Variants in MTRES1 observed in about 807,000 individuals in gnomAD.
MTRES1 encodes the protein mitochondrial transcription rescue factor 1.
Under a neutral mutation model 17.4 loss-of-function variants are expected in MTRES1, and 11 were observed. That is an observed-to-expected ratio of 0.63 (90% CI 0.40 to 1.05). The LOEUF is 1.05. MTRES1 is among the 50% of genes least tolerant of loss of function. MTRES1 has a pLI of 0.00. For missense variants in MTRES1, 268 were observed against 276.2 expected, an observed-to-expected ratio of 0.97 and a Z score of 0.21; for synonymous variants, 94 against 99.6, an observed-to-expected ratio of 0.94 and a Z score of 0.34.
At chr6:107,039,034 A>G (rs1244527534) in intron 1 of MTRES1, among the ~76,000 whole-genome samples, 1 of 152,158 alleles carries the variant, frequency 6.6e-6, no homozygotes, top group Non-Finnish European at 1.5e-5. Context: ...AGCCTGGGCA[A>G]CAAGAGCAAA....
At chr6:107,034,890 G>A (rs1254450664) in intron 1 of MTRES1, among the ~76,000 whole-genome samples, 26 of 151,942 alleles carry the variant, frequency 1.7e-4, no homozygotes, top group Admixed American at 1.7e-3. Flanking sequence ...GGGAGGCTGA[G>A]GCAGGAGAAT....
intron 3 of MTRES1, 123 bp downstream of exon 3, chr6:107,044,455 C>A: frequency 2.7e-6 from 2 of 728,904 alleles, no homozygotes; most frequent in South Asian, 3.5e-5. Flanking sequence ...CTTTGTGGTC[C>A]TCCACGTCAA....
intron 3 of MTRES1, among the ~76,000 whole-genome samples, chr6:107,047,142 C>T (rs532106379): frequency 5.3e-5 from 8 of 152,162 alleles, no homozygotes; most frequent in Non-Finnish European, 1.0e-4. Context: ...CCTTCTCTAT[C>T]CAGAGGCAGA....
At chr6:107,041,514 T>G (rs2992122) in intron 2 of MTRES1, among the ~76,000 whole-genome samples, 3 of 151,960 alleles carry the variant, frequency 2.0e-5, no homozygotes, top group Non-Finnish European at 4.4e-5. Flanking sequence ...TATTTCTGGG[T>G]TTTTTTGTTT....
intron 2 of MTRES1, chr6:107,040,872 A>G (rs1297096410): frequency 1.1e-4 from 16 of 150,820 alleles, no homozygotes; most frequent in African/African-American, 3.7e-4. Context: ...CCATCTGAAA[A>G]AAAAAAAAAG....
intron 1 of MTRES1, chr6:107,028,845 C>T (rs1773725454): frequency 1.0e-6 from 1 of 982,398 alleles, no homozygotes; most frequent in African/African-American, 1.7e-5. Flanking sequence ...CCAAAACCTC[C>T]TATGGGATTC....
intron 1 of MTRES1, chr6:107,028,844 C>T (rs893006010): frequency 2.0e-6 from 2 of 982,130 alleles, no homozygotes; most frequent in Non-Finnish European, 1.2e-6. Context: ...CCCAAAACCT[C>T]CTATGGGATT....
chr6:107,028,788 A>G, intron 1 of MTRES1: 1 of 621,138 alleles, frequency 1.6e-6, no homozygotes, highest in Non-Finnish European at 2.0e-6. Context: ...TGCTTTTCTT[A>G]CAGTCTTCGG....
intron 1 of MTRES1, 29 bp from the exon 2 acceptor site, chr6:107,039,720 A>G: frequency 6.4e-7 from 1 of 1,563,136 alleles, no homozygotes; most frequent in Non-Finnish European, 8.6e-7. Context: ...TGCACTTGTG[A>G]GATAAAACTG....
At chr6:107,045,046 G>C (rs1264344429) in intron 3 of MTRES1, among the ~76,000 whole-genome samples, 21 of 152,026 alleles carry the variant, frequency 1.4e-4, no homozygotes, top group African/African-American at 5.1e-4. Flanking sequence ...AAATTAGCCA[G>C]GCGTGGTGGC....
At chr6:107,043,808 T>C (rs561388859) in intron 2 of MTRES1, among the ~76,000 whole-genome samples, 1 of 152,280 alleles carries the variant, frequency 6.6e-6, no homozygotes, top group Non-Finnish European at 1.5e-5. Context: ...TATATTTCTA[T>C]ATTTTAAAGC....
intron 1 of MTRES1, chr6:107,028,780 C>G: frequency 1.8e-6 from 1 of 571,112 alleles, no homozygotes; most frequent in Non-Finnish European, 2.2e-6. Flanking sequence ...ACAGACACTG[C>G]TTTTCTTACA....
Position 107,040,168 on chromosome 6 carries a change from A to G in MTRES1, c.408A>G (p.Glu136=). 4 of 1,611,940 alleles carry G rather than the reference A, an allele frequency of 2.5e-6. No individual in the cohort carries two copies. In the East Asian group the frequency reaches 8.9e-5, roughly 36 times the overall value. The change falls in exon 2 of 4, where the codon GAA becomes GAG. Residue 136 remains glutamate (E), a synonymous_variant. Coordinates refer to ENST00000311381, the MANE Select transcript of MTRES1 (RefSeq NM_016487.5). ...PTVVKNYKDL[E]KAVQSFRYDV... ...TAGTCAAAAACTATAAAGACCTGGA[A>G]AAAGCAGTTCAGTCTTTTCGGTATG...
Position 107,041,097 on chromosome 6 carries a change from G to GA in MTRES1, c.470+867_470+868insA, listed in dbSNP as rs533472500. Among the ~76,000 whole-genome samples, 191 of 151,240 alleles carry GA rather than the reference G, an allele frequency of 1.3e-3. 3 individuals carry two copies. The highest frequency in any genetic ancestry group is 4.4e-3 in the African/African-American group (179 of 41,050). ...AAAAATTAGCCAGGCGTGGTGGCAG[G>GA]CGCCTGTAGTCCCAGCTACTCGGAG... On this transcript the variant is annotated intron_variant, in intron 2 of 3. Coordinates refer to ENST00000311381, the MANE Select transcript of MTRES1 (RefSeq NM_016487.5).
intron 2 of MTRES1, among the ~76,000 whole-genome samples, chr6:107,041,224 CAAAAA>C (rs55820077): frequency 4.9e-5 from 6 of 122,866 alleles, no homozygotes; most frequent in Admixed American, 8.1e-5. Context: ...GACTCCGTCT[CAAAAA>C]AAAAAAAAAA....
At chr6:107,046,055 C>T (rs1389617597) in intron 3 of MTRES1, among the ~76,000 whole-genome samples, 2 of 152,180 alleles carry the variant, frequency 1.3e-5, no homozygotes, top group Non-Finnish European at 2.9e-5. Flanking sequence ...CTGTCTCAGC[C>T]CCCAAGTCCC....
At position 107,039,777 on chromosome 6, in the gene MTRES1, T is replaced by A. The variant is rs782779196; in HGVS notation, c.17T>A (p.Val6Asp). Residue 6 changes from valine (V) to aspartate (D), a missense_variant, in exon 2 of 4, where the codon GTT becomes GAT. Physicochemically the swap from Val to Asp is radical, Grantham distance 152. Coordinates refer to ENST00000311381, the MANE Select transcript of MTRES1 (RefSeq NM_016487.5). ...ATAAGCGCCATGGCTATGGCTAGTGTTAAATTGCTTGCCGGTGTTTTAAGA... is the reference window on the plus strand; with the variant it reads ...ATAAGCGCCATGGCTATGGCTAGTGATAAATTGCTTGCCGGTGTTTTAAGA... MAMASVKLLAGVLRKP... is the reference protein window; with the variant it reads MAMASDKLLAGVLRKP... The A allele has an allele frequency of 1.2e-6, 2 of 1,606,662 alleles. No individual in the cohort carries two copies. The highest frequency in any genetic ancestry group is 1.7e-6 in the Non-Finnish European group (2 of 1,178,366).
chr6:107,036,208 A>C (rs1466741658), intron 1 of MTRES1, among the ~76,000 whole-genome samples: 1 of 152,106 alleles, frequency 6.6e-6, no homozygotes, highest in Admixed American at 6.6e-5. Context: ...AATAAATGAC[A>C]ATAGTTGATT....
rs200411701 is a variant in MTRES1, at chr6:107,045,537, G to GTA, written c.543+1214_543+1215dup. 5.3e-3 allele frequency among the ~76,000 whole-genome samples: 804 copies of GTA among 151,538 alleles called. 11 individuals are homozygous for GTA. The highest frequency in any genetic ancestry group is 0.019 in the African/African-American group (770 of 41,328). ...ATATTTTTTTGTAAAAGTAAGTTAC[G>GTA]TATATATATACATCTGGAATTAAAA... On this transcript the variant is annotated intron_variant, in intron 3 of 3. Coordinates refer to ENST00000311381, the MANE Select transcript of MTRES1 (RefSeq NM_016487.5).
Sources: gnomAD v4.1 joint callset for allele counts (sites outside exome capture counted in the v4.1 genomes callset) on GRCh38, gnomAD v4.1.1 for gene constraint, MANE v1.5 for transcripts, NCBI Gene and HGNC (gene_info 2026-07-23, HGNC 2026-07-21) for gene names.